CDIN1: variants seen among roughly 807,000 people sequenced by gnomAD.
The protein encoded by CDIN1 is CDAN1 interacting nuclease 1, also known as CDAN1-interacting nuclease 1.
Under a neutral mutation model 45.3 loss-of-function variants are expected in CDIN1, and 33 were observed. The ratio of observed to expected loss-of-function variants is 0.73; its 90% CI spans 0.55 to 0.97. The LOEUF (loss-of-function observed/expected upper bound fraction) is 0.97. CDIN1 is among the 50% of genes least tolerant of loss of function. CDIN1 has a pLI of 0.00. For missense variants in CDIN1, 303 were observed against 339.4 expected (o/e 0.89, Z 0.84); for synonymous variants, 118 against 124.4 (o/e 0.95, Z 0.34).
intron 10 of CDIN1, among the ~76,000 whole-genome samples, chr15:36,734,712 A>G (rs2043953772): frequency 6.6e-6 from 1 of 152,208 alleles, no homozygotes; most frequent in African/African-American, 2.4e-5. Flanking sequence ...AGGACACTTC[A>G]TTCAAAAACA....
chr15:36,800,909 G>GTGTGTATATATATATA lies in CDIN1; in HGVS notation c.717-7414_717-7413insGTGTATATATATATAT, dbSNP rs1156514805. Among the ~76,000 whole-genome samples, 99 of 22,356 alleles carry GTGTGTATATATATATA rather than the reference G, an allele frequency of 4.4e-3. 3 individuals carry two copies. Among genetic ancestry groups the GTGTGTATATATATATA allele is most frequent in the South Asian group, 0.017 (4 of 232 alleles). 14.7% of individuals were successfully genotyped at this position (22,356 alleles called of 152,430 possible). ...TGTGTGTGTGTGTGTGTGTGTGTGT[G>GTGTGTATATATATATA]TATATATATATATATATATATATAT... On this transcript the variant is annotated intron_variant, in intron 10 of 10. Transcript: ENST00000566621.
chr15:36,763,854 A>T (rs1328690639), intron 10 of CDIN1, among the ~76,000 whole-genome samples: 3 of 152,190 alleles, frequency 2.0e-5, no homozygotes, highest in African/African-American at 7.2e-5. Flanking sequence ...TGTGGCTTCT[A>T]GGAGGCAAAC....
At chr15:36,795,338 G>T (rs2054767503) in intron 10 of CDIN1, among the ~76,000 whole-genome samples, 1 of 152,118 alleles carries the variant, frequency 6.6e-6, no homozygotes, top group African/African-American at 2.4e-5. Context: ...TGAGGTAATG[G>T]ATACCCTAAA....
chr15:36,697,470 A>T, intron 8 of CDIN1, 80 bp downstream of exon 8: 1 of 1,127,946 alleles, frequency 8.9e-7, no homozygotes, highest in Non-Finnish European at 1.3e-6. Context: ...CTTCCACTAA[A>T]GGAAGAGTGA....
chr15:36,592,107 C>T (rs533760861), intron 1 of CDIN1, among the ~76,000 whole-genome samples: 1 of 152,046 alleles, frequency 6.6e-6, no homozygotes, highest in African/African-American at 2.4e-5. Context: ...AATAAAATAT[C>T]CTGAGTTTTA....
chr15:36,608,426 G>A (rs944675591), intron 1 of CDIN1, among the ~76,000 whole-genome samples: 2 of 152,104 alleles, frequency 1.3e-5, no homozygotes, highest in African/African-American at 4.8e-5. Flanking sequence ...GACTAATGAT[G>A]TTGGGAATCT....
chr15:36,760,394 C>T (rs1317889290), intron 10 of CDIN1, among the ~76,000 whole-genome samples: 1 of 152,166 alleles, frequency 6.6e-6, no homozygotes, highest in Admixed American at 6.6e-5. Flanking sequence ...TAATATTCAA[C>T]TAAAAGAACT....
intron 1 of CDIN1, among the ~76,000 whole-genome samples, chr15:36,603,975 A>G (rs1049994615): frequency 2.0e-5 from 3 of 152,204 alleles, no homozygotes; most frequent in Non-Finnish European, 4.4e-5. Flanking sequence ...AAGTGTAGGT[A>G]AACACTATTT....
At chr15:36,692,300 A>G (rs2042286402) in intron 7 of CDIN1, 125 bp downstream of exon 7, 1 of 877,296 alleles carries the variant, frequency 1.1e-6, no homozygotes, top group Non-Finnish European at 1.7e-6. Context: ...TCTATTTTAC[A>G]TTCAATCAAC....
chr15:36,722,980 TG>T (rs1416127478), intron 10 of CDIN1, among the ~76,000 whole-genome samples: 1,962 of 135,904 alleles, frequency 0.014, 42 homozygotes, highest in African/African-American at 0.052. Flanking sequence ...TGTGTGTGTG[TG>T]TGTGTTTCTC....
chr15:36,781,340 G>A (rs1444190067), intron 10 of CDIN1, among the ~76,000 whole-genome samples: 3 of 152,166 alleles, frequency 2.0e-5, no homozygotes, highest in African/African-American at 7.2e-5. Context: ...CAAGACCTTA[G>A]GCATTATCTG....
chr15:36,804,818 G>A (rs931019524), intron 10 of CDIN1, among the ~76,000 whole-genome samples: 1 of 150,274 alleles, frequency 6.7e-6, no homozygotes, highest in Non-Finnish European at 1.5e-5. Flanking sequence ...GACTACAGGC[G>A]AGCACCACCA....
chr15:36,614,233 C>G (rs371902813), intron 1 of CDIN1: 26 of 620,872 alleles, frequency 4.2e-5, no homozygotes, highest in East Asian at 2.0e-4. Context: ...GCTGCTCCTC[C>G]CTCTGACCCT....
At chr15:36,737,124 C>A (rs751860949) in intron 10 of CDIN1, among the ~76,000 whole-genome samples, 104 of 150,494 alleles carry the variant, frequency 6.9e-4, no homozygotes, top group Non-Finnish European at 1.3e-3. Context: ...GCTGAGATTG[C>A]ACCACTGCAC....
At chr15:36,710,681 A>G (rs1595504341) in intron 10 of CDIN1, among the ~76,000 whole-genome samples, 1 of 152,112 alleles carries the variant, frequency 6.6e-6, no homozygotes, top group African/African-American at 2.4e-5. Context: ...TTTTTCTATT[A>G]TTGCAGTCCC....
At chr15:36,620,780 ATT>A (rs200993044) in intron 1 of CDIN1, among the ~76,000 whole-genome samples, 12 of 139,086 alleles carry the variant, frequency 8.6e-5, no homozygotes, top group Non-Finnish European at 8.0e-5. Flanking sequence ...GTAAAATATT[ATT>A]TTTTTTTTAA....
At chr15:36,624,909 A>C (rs776147248) in intron 1 of CDIN1, among the ~76,000 whole-genome samples, 26 of 152,170 alleles carry the variant, frequency 1.7e-4, no homozygotes, top group Non-Finnish European at 2.2e-4. Flanking sequence ...GACCTATTAA[A>C]TTAAGAAAGA....
intron 10 of CDIN1, among the ~76,000 whole-genome samples, chr15:36,763,925 G>A (rs1260032074): frequency 3.3e-5 from 5 of 152,200 alleles, no homozygotes; most frequent in African/African-American, 9.6e-5. Flanking sequence ...CACATTCAGT[G>A]ACAGCCTGTA....
chr15:36,591,368 C>T (rs897987493), intron 1 of CDIN1, among the ~76,000 whole-genome samples: 5 of 151,954 alleles, frequency 3.3e-5, no homozygotes, highest in Non-Finnish European at 7.4e-5. Context: ...ACTTACACTT[C>T]GAGCCCCATT....
Sources: gnomAD v4.1 joint callset for allele counts (sites outside exome capture counted in the v4.1 genomes callset) on GRCh38, gnomAD v4.1.1 for gene constraint, MANE v1.5 for transcripts, NCBI Gene and HGNC (gene_info 2026-07-23, HGNC 2026-07-21) for gene names.